The following KCNH1 variants were observed in gnomAD, a reference collection of about 807,000 sequenced individuals.
KCNH1 encodes the protein voltage-gated delayed rectifier potassium channel KCNH1.
In KCNH1, 27 loss-of-function variants were observed where a neutral mutation model predicts 69.2. That is an observed-to-expected ratio of 0.39 (90% CI 0.29 to 0.54). KCNH1 has a LOEUF of 0.54. Among genes scored for constraint, KCNH1 ranks in the 20% least tolerant of loss-of-function variants. The pLI is 0.68. For synonymous variants in KCNH1, 456 were observed against 487.7 expected, an observed-to-expected ratio of 0.93 and a Z score of 0.86; for missense variants, 798 against 1,261.6, an observed-to-expected ratio of 0.63 and a Z score of 5.57.
rs577973670 is a variant in KCNH1, at chr1:210,892,054, G to A, written c.1462+27586C>T. 2.0e-5 allele frequency among the ~76,000 whole-genome samples: 3 copies of A among 152,206 alleles called. No homozygotes were observed. In the East Asian group the frequency reaches 5.8e-4, roughly 30 times the overall value. On this transcript the variant is annotated intron_variant, in intron 7 of 10. Coordinates refer to ENST00000271751, the MANE Select transcript of KCNH1 (RefSeq NM_172362.3). Reference sequence around the variant, plus strand: ...AGGGAGAGGAACATCACACACTGGGGCCTGTCAGGCGGTCAGGGGGCTAAG... The same window carrying A: ...AGGGAGAGGAACATCACACACTGGGACCTGTCAGGCGGTCAGGGGGCTAAG...
intron 6 of KCNH1, among the ~76,000 whole-genome samples, chr1:210,963,505 T>C (rs1688338005): frequency 6.6e-6 from 1 of 152,052 alleles, no homozygotes; most frequent in Non-Finnish European, 1.5e-5. Context: ...TAAAGGAGCA[T>C]ATTCTAACCA....
At chr1:210,879,806 AT>A (rs759203713) in intron 7 of KCNH1, among the ~76,000 whole-genome samples, 2 of 151,974 alleles carry the variant, frequency 1.3e-5, no homozygotes, top group South Asian at 2.1e-4. Context: ...AAAGAAATAA[AT>A]TTTTTTTGCA....
At chr1:210,920,767 A>C (rs1259050006) in intron 6 of KCNH1, among the ~76,000 whole-genome samples, 2 of 152,332 alleles carry the variant, frequency 1.3e-5, no homozygotes, top group East Asian at 3.9e-4. Flanking sequence ...GTTCCTCAGA[A>C]ACATTACAAA....
chr1:210,860,627 C>T, intron 7 of KCNH1: 1 of 798,768 alleles, frequency 1.3e-6, no homozygotes, highest in Non-Finnish European at 2.3e-6. Context: ...TTTTCTGTTT[C>T]TGTTATAATA....
At chr1:211,091,706 G>A (rs563555038) in intron 3 of KCNH1, among the ~76,000 whole-genome samples, 109 of 152,230 alleles carry the variant, frequency 7.2e-4, no homozygotes, top group African/African-American at 2.2e-3. Flanking sequence ...GAGGAAAAAC[G>A]AGTTCTTCCT....
At chr1:210,831,149 A>G (rs1205243997) in intron 7 of KCNH1, among the ~76,000 whole-genome samples, 2 of 152,202 alleles carry the variant, frequency 1.3e-5, no homozygotes, top group African/African-American at 4.8e-5. Context: ...CATATAGGCC[A>G]ATTACTTGCT....
At chr1:210,905,872 T>TAA (rs770212961) in intron 7 of KCNH1, among the ~76,000 whole-genome samples, 50 of 152,208 alleles carry the variant, frequency 3.3e-4, no homozygotes, top group Non-Finnish European at 5.3e-4. Flanking sequence ...ATAATGTATG[T>TAA]AAAACACTGT....
chr1:210,793,254 A>G (rs145053053), intron 9 of KCNH1, among the ~76,000 whole-genome samples: 1 of 152,316 alleles, frequency 6.6e-6, no homozygotes, highest in Non-Finnish European at 1.5e-5. Context: ...AACATCATCT[A>G]GGTTTCTGGG....
chr1:210,702,450 A>G (rs1681804960), intron 10 of KCNH1, among the ~76,000 whole-genome samples: 1 of 151,734 alleles, frequency 6.6e-6, no homozygotes, highest in South Asian at 2.1e-4. Context: ...CTTTGACTGC[A>G]TTTTCCAGAC....
chr1:210,800,149 G>A (rs1192168309), intron 8 of KCNH1, among the ~76,000 whole-genome samples: 2 of 152,226 alleles, frequency 1.3e-5, no homozygotes, highest in East Asian at 1.9e-4. Flanking sequence ...CCCATCAAGC[G>A]AGCATGCCCT....
intron 7 of KCNH1, chr1:210,859,658 C>G: frequency 7.6e-7 from 1 of 1,308,942 alleles, no homozygotes; most frequent in Non-Finnish European, 1.1e-6. Flanking sequence ...GCATGGCAGG[C>G]ATATGCTCTT....
intron 10 of KCNH1, among the ~76,000 whole-genome samples, chr1:210,699,888 G>T (rs73067448): frequency 0.011 from 1,718 of 152,246 alleles, 47 homozygotes; most frequent in African/African-American, 0.039. Flanking sequence ...TTTGAACCTA[G>T]GTATGAGCCC....
intron 6 of KCNH1, among the ~76,000 whole-genome samples, chr1:210,949,138 A>T (rs1177910062): frequency 6.6e-6 from 1 of 152,048 alleles, no homozygotes; most frequent in Non-Finnish European, 1.5e-5. Flanking sequence ...AGCCTTTTAT[A>T]CTTAAAGGGA....
Position 210,907,595 on chromosome 1 carries a change from C to T in KCNH1, c.1462+12045G>A, listed in dbSNP as rs185003195. Among the ~76,000 whole-genome samples the T allele has an allele frequency of 2.0e-5, 3 of 151,998 alleles. No homozygotes were observed. The East Asian group carries it at 5.8e-4, about 29-fold the overall frequency. The stretch of plus-strand genomic sequence containing the variant: ...ATTGGCAGTATGATGTGATCCTGTT[C>T]TGTCCTAGTGCCAGGGCTGAGCACA... On this transcript the variant is annotated intron_variant, in intron 7 of 10. Transcript: ENST00000271751.
intron 5 of KCNH1, among the ~76,000 whole-genome samples, chr1:211,045,132 C>T (rs1181147873): frequency 4.2e-5 from 6 of 142,348 alleles, no homozygotes; most frequent in Non-Finnish European, 7.6e-5. Flanking sequence ...TGGATGAGAT[C>T]GGAGACTATT....
At chr1:210,943,657 CCTT>C (rs1241909253) in intron 6 of KCNH1, among the ~76,000 whole-genome samples, 3 of 152,080 alleles carry the variant, frequency 2.0e-5, no homozygotes, top group African/African-American at 7.2e-5. Flanking sequence ...TGGCCTCTCT[CCTT>C]CTTTTTAAGC....
chr1:210,929,555 A>G (rs1687641523), intron 6 of KCNH1, among the ~76,000 whole-genome samples: 1 of 152,190 alleles, frequency 6.6e-6, no homozygotes, highest in Non-Finnish European at 1.5e-5. Flanking sequence ...TCTATGACAA[A>G]CCCACAGCCA....
intron 1 of KCNH1, among the ~76,000 whole-genome samples, chr1:211,118,760 T>G (rs1691632370): frequency 6.6e-6 from 1 of 152,214 alleles, no homozygotes; most frequent in African/African-American, 2.4e-5. Context: ...CACAGAGATA[T>G]TCTCAAGAGA....
At chr1:210,819,584 T>C (rs1239665545) in intron 7 of KCNH1, among the ~76,000 whole-genome samples, 3 of 151,368 alleles carry the variant, frequency 2.0e-5, no homozygotes, top group African/African-American at 7.3e-5. Context: ...CAGTGACTAG[T>C]AGTTAGAAAA....
Sources: allele counts gnomAD v4.1 joint callset (sites outside exome capture counted in the v4.1 genomes callset), GRCh38; gene constraint gnomAD v4.1.1; transcripts MANE v1.5; gene names NCBI Gene and HGNC (gene_info 2026-07-23, HGNC 2026-07-21).